Variants in STRIP1 observed in about 807,000 individuals in gnomAD.
STRIP1 encodes the protein striatin-interacting protein 1.
STRIP1 carries 63 observed loss-of-function variants against 106.2 expected under a neutral mutation model. That is an observed-to-expected ratio of 0.59 (90% CI 0.48 to 0.73). The LOEUF is 0.73. Among genes scored for constraint, STRIP1 ranks in the 30% least tolerant of loss-of-function variants. The pLI is 0.00. For missense variants in STRIP1, 857 were observed against 1,074.8 expected, an observed-to-expected ratio of 0.80 and a Z score of 2.83; for synonymous variants, 390 against 413.0, an observed-to-expected ratio of 0.94 and a Z score of 0.67.
At position 110,034,721 on chromosome 1, in the gene STRIP1, C is replaced by T; in HGVS notation, c.84C>T (p.Ala28=). 2 of 1,507,154 alleles carry T rather than the reference C, an allele frequency of 1.3e-6. No individual in the cohort carries two copies. The highest frequency in any genetic ancestry group is 1.8e-6 in the Non-Finnish European group (2 of 1,130,282). The allele number at this position is 1,507,154 out of a possible 1,614,324, so 93.4% of individuals were successfully genotyped here. The change falls in exon 1 of 21, where the codon GCC becomes GCT. Residue 28 remains alanine (A), a synonymous_variant. Transcript: ENST00000369795. ...CCCCGCCACCTCCGCCGCCGGCAGCCGCACAGCCACCACCCGGGGCACCGC... is the reference window on the plus strand; with the variant it reads ...CCCCGCCACCTCCGCCGCCGGCAGCTGCACAGCCACCACCCGGGGCACCGC... ...PQPPPPPPPA[A]AQPPPGAPRA... is the part of the protein sequence containing the mutation.
intron 19 of STRIP1, among the ~76,000 whole-genome samples, chr1:110,051,292 T>C (rs1313912012): frequency 6.6e-6 from 1 of 152,248 alleles, no homozygotes; most frequent in African/African-American, 2.4e-5. Flanking sequence ...ACTTTTTCCA[T>C]GTCGTCTTAA....
intron 15 of STRIP1, among the ~76,000 whole-genome samples, chr1:110,048,570 A>G (rs1653140781): frequency 6.6e-6 from 1 of 152,262 alleles, no homozygotes; most frequent in Non-Finnish European, 1.5e-5. Context: ...ACACTAGGCC[A>G]TCATGTGATG....
chr1:110,033,134 T>G (rs1353848104), upstream of STRIP1, among the ~76,000 whole-genome samples: 16 of 152,200 alleles, frequency 1.1e-4, no homozygotes, highest in Non-Finnish European at 1.8e-4. Context: ...TTCTCCTCAC[T>G]TCTTTCAGAA....
At chr1:110,045,122 G>T in intron 12 of STRIP1, 44 bp downstream of exon 12, 1 of 1,583,042 alleles carries the variant, frequency 6.3e-7, no homozygotes, top group South Asian at 1.1e-5. Flanking sequence ...GGTCCTAAGT[G>T]AGTAGAGTGA....
At position 110,034,834 on chromosome 1, in the gene STRIP1, G is replaced by A; in HGVS notation, c.180+17G>A. The A allele has an allele frequency of 2.2e-6, 3 of 1,376,518 alleles. No homozygotes were observed. Among genetic ancestry groups the A allele is most frequent in the Non-Finnish European group, 2.8e-6 (3 of 1,064,902 alleles). The allele number at this position is 1,376,518 out of a possible 1,614,324, so 85.3% of individuals were successfully genotyped here. Reference sequence around the variant, plus strand: ...GACTCAGAGGTCAGGAGCTTCGGGGGGCGAGGCTCGCACCGGGTCGGGCGG... The same window carrying A: ...GACTCAGAGGTCAGGAGCTTCGGGGAGCGAGGCTCGCACCGGGTCGGGCGG... On this transcript the variant is annotated intron_variant, in intron 1 of 20. Coordinates refer to ENST00000369795, the MANE Select transcript of STRIP1 (RefSeq NM_033088.4).
intron 11 of STRIP1, 50 bp downstream of exon 11, chr1:110,044,955 G>A (rs200154080): frequency 8.7e-6 from 14 of 1,613,614 alleles, no homozygotes; most frequent in African/African-American, 8.0e-5. Flanking sequence ...GGCCTTTGGT[G>A]TTTGGGATCC....
intron 20 of STRIP1, among the ~76,000 whole-genome samples, chr1:110,052,099 C>T: frequency 6.6e-6 from 1 of 152,132 alleles, no homozygotes; most frequent in East Asian, 1.9e-4. Flanking sequence ...CGATCATCCC[C>T]ATCTCTCCTT....
At chr1:110,050,719 G>A (rs1653257688) in intron 18 of STRIP1, among the ~76,000 whole-genome samples, 1 of 152,220 alleles carries the variant, frequency 6.6e-6, no homozygotes, top group Admixed American at 6.5e-5. Flanking sequence ...GCAGCCCAAG[G>A]CCACAGCTCC....
chr1:110,050,493 T>C, intron 18 of STRIP1, 84 bp downstream of exon 18: 1 of 1,283,802 alleles, frequency 7.8e-7, no homozygotes, highest in Non-Finnish European at 1.1e-6. Flanking sequence ...ACTGCAGGAA[T>C]AGAGGTGTCT....
intron 19 of STRIP1, 52 bp from the exon 20 acceptor site, chr1:110,051,631 A>G: frequency 1.3e-6 from 2 of 1,510,562 alleles, no homozygotes; most frequent in South Asian, 2.4e-5. Flanking sequence ...CCTGGGATGT[A>G]TGCATTTATT....
Position 110,042,979 on chromosome 1 carries a change from A to G in STRIP1, c.886-109A>G, listed in dbSNP as rs1341948212. On this transcript the variant is annotated intron_variant, in intron 8 of 20. Coordinates refer to ENST00000369795, the MANE Select transcript of STRIP1 (RefSeq NM_033088.4). Reference sequence around the variant, plus strand: ...TTGTTCAGGAGTTGCCTGGGTCTCTATAAAGACATGGGTCATGATGTCATG... The same window carrying G: ...TTGTTCAGGAGTTGCCTGGGTCTCTGTAAAGACATGGGTCATGATGTCATG... 6 of 1,131,570 alleles carry G rather than the reference A, an allele frequency of 5.3e-6. No individual in the cohort carries two copies. In the East Asian group the frequency reaches 1.0e-4, roughly 20 times the overall value. The allele number at this position is 1,131,570 out of a possible 1,614,324, so 70.1% of individuals were successfully genotyped here.
Position 110,044,825 on chromosome 1 carries a change from T to C in STRIP1, c.1287-15T>C, listed in dbSNP as rs756306256. 1.2e-6 allele frequency: 2 copies of C among 1,613,636 alleles called. No homozygotes were observed. Among genetic ancestry groups the C allele is most frequent in the South Asian group, 2.2e-5 (2 of 91,056 alleles). On this transcript the variant is annotated splice_polypyrimidine_tract_variant and intron_variant, in intron 10 of 20. Transcript: ENST00000369795. ...AAAACCTTTTTTCTTTCTCTCTTTT[T>C]TGGTGATGTGGCAGAGAGAAAGACA...
At chr1:110,043,885 A>G in intron 10 of STRIP1, 29 bp downstream of exon 10, 1 of 1,600,378 alleles carries the variant, frequency 6.2e-7, no homozygotes, top group Non-Finnish European at 8.6e-7. Flanking sequence ...GAGCACTCAT[A>G]GTTCCTGAGG....
rs1220653564 is a variant in STRIP1, at chr1:110,050,987, G to A, written c.1988G>A (p.Arg663Lys). 6.2e-7 allele frequency: 1 copy of A among 1,613,808 alleles called. No homozygotes were observed. Among genetic ancestry groups the A allele is most frequent in the Admixed American group, 1.7e-5 (1 of 60,028 alleles). ...EAGDSNQFCW[R>K]NLFSCINLLR... ...GGTGACAGTAACCAATTTTGCTGGA[G>A]GAACCTCTTTTCTTGTATCAATCTG... is the stretch of plus-strand genomic sequence containing the variant. Residue 663 changes from arginine to lysine, a missense_variant, in exon 19 of 21, where the codon AGG (arginine) becomes AAG (lysine). This residue lies in a region of STRIP1 where 750 missense variants were observed against 989.8 expected (regional missense o/e 0.76). Transcript: ENST00000369795.
intron 1 of STRIP1, among the ~76,000 whole-genome samples, chr1:110,035,039 G>A (rs1020610242): frequency 7.9e-5 from 12 of 152,212 alleles, no homozygotes; most frequent in Non-Finnish European, 1.2e-4. Context: ...AGAGCTTCCC[G>A]TGGCCGGCGA....
intron 5 of STRIP1, 195 bp downstream of exon 5, chr1:110,039,710 C>A (rs796992380): frequency 1.0e-6 from 1 of 965,140 alleles, no homozygotes; most frequent in Non-Finnish European, 1.5e-6. Context: ...AATGACAGGT[C>A]CCTGCAGCTC....
intron 5 of STRIP1, 131 bp downstream of exon 5, chr1:110,039,646 A>G: frequency 8.5e-7 from 1 of 1,178,304 alleles, no homozygotes; most frequent in Non-Finnish European, 1.2e-6. Context: ...TGTTCTGACC[A>G]CCTGGGTTGA....
At chr1:110,038,876 C>G in intron 3 of STRIP1, 119 bp downstream of exon 3, 1 of 938,284 alleles carries the variant, frequency 1.1e-6, no homozygotes, top group Non-Finnish European at 1.6e-6. Flanking sequence ...CCTGCTGAAC[C>G]CTGATGGTTC....
intron 17 of STRIP1, chr1:110,050,039 A>C: frequency 2.4e-6 from 1 of 415,556 alleles, no homozygotes; most frequent in Non-Finnish European, 4.4e-6. Flanking sequence ...GGCATAAATT[A>C]GTTGCCCTGA....
Sources: gnomAD v4.1 joint callset for allele counts (sites outside exome capture counted in the v4.1 genomes callset) on GRCh38, gnomAD v4.1.1 for gene constraint, gnomAD v4.1.1 regional missense constraint, MANE v1.5 for transcripts, NCBI Gene and HGNC (gene_info 2026-07-23, HGNC 2026-07-21) for gene names.